ST6GAL1: variants seen among roughly 807,000 people sequenced by gnomAD.
The protein encoded by ST6GAL1 is beta-galactoside alpha-2,6-sialyltransferase 1.
In ST6GAL1, 20 loss-of-function variants were observed where a neutral mutation model predicts 38.0. That is an observed-to-expected ratio of 0.53 (90% CI 0.37 to 0.77). The LOEUF is 0.77. ST6GAL1 is among the 30% of genes least tolerant of loss of function. The pLI is 0.00. For synonymous variants in ST6GAL1, 196 were observed against 188.2 expected (o/e 1.04, Z -0.34); for missense variants, 432 against 496.4 (o/e 0.87, Z 1.23).
intron 4 of ST6GAL1, chr3:187,043,808 A>C (rs1718209391): frequency 6.6e-6 from 1 of 152,360 alleles, no homozygotes; most frequent in Admixed American, 6.5e-5. Context: ...AGATCTGCAC[A>C]TCATTTCCAG....
At chr3:186,935,596 T>C (rs757266033) in intron 1 of ST6GAL1, among the ~76,000 whole-genome samples, 2 of 152,204 alleles carry the variant, frequency 1.3e-5, no homozygotes, top group Non-Finnish European at 2.9e-5. Context: ...CTACAATGGT[T>C]GAACTAATTT....
Position 187,051,314 on chromosome 3 carries a change from A to G in ST6GAL1, c.673A>G (p.Thr225Ala), listed in dbSNP as rs1403092268. 6.2e-7 allele frequency: 1 copy of G among 1,614,194 alleles called. No homozygotes were observed. Residue 225 changes from threonine to alanine, a missense_variant, in exon 5 of 8, where the codon ACA becomes GCA. Thr to Ala is a moderately conservative substitution (Grantham distance 58, BLOSUM62 0). Coordinates refer to ENST00000169298, the MANE Select transcript of ST6GAL1 (RefSeq NM_173216.2). ...PTANFQQDVG[T>A]KTTIRLMNSQ... The stretch of plus-strand genomic sequence containing the variant: ...AGCCAACTTCCAACAAGATGTGGGC[A>G]CAAAAACTACCATTCGCCTGATGAA...
chr3:187,073,820 C>T (rs1719467651), intron 6 of ST6GAL1: 1 of 192,272 alleles, frequency 5.2e-6, no homozygotes, highest in African/African-American at 2.3e-5. Flanking sequence ...CTAGTTTTCT[C>T]CCCTTTAAAA....
chr3:187,074,388 T>C (rs1038689372), intron 7 of ST6GAL1, 55 bp downstream of exon 7: 18 of 1,460,886 alleles, frequency 1.2e-5, no homozygotes, highest in Middle Eastern at 2.1e-4. Flanking sequence ...AGAGATGAGC[T>C]TTTTTTCTGG....
At chr3:186,987,090 ACCATTTC>A (rs1282289093) in intron 2 of ST6GAL1, among the ~76,000 whole-genome samples, 1 of 147,796 alleles carries the variant, frequency 6.8e-6, no homozygotes, top group Non-Finnish European at 1.5e-5. Context: ...TTTTACTCTT[ACCATTTC>A]TGAGAGAAGT....
At chr3:187,057,698 T>C (rs1272505806) in intron 5 of ST6GAL1, among the ~76,000 whole-genome samples, 1 of 152,106 alleles carries the variant, frequency 6.6e-6, no homozygotes, top group African/African-American at 2.4e-5. Context: ...CTGTATGAGG[T>C]GTCAGTCGGC....
rs1718502604 is a variant in ST6GAL1 at position 187,051,224 on chromosome 3, TTTTCTGTTTCTTTGTGG to T, written c.608-21_608-5del. 6.2e-7 allele frequency: 1 copy of T among 1,607,376 alleles called. No individual in the cohort carries two copies. Among genetic ancestry groups the T allele is most frequent in the East Asian group, 2.2e-5 (1 of 44,806 alleles). ...GCATATTGCCAGTGCTCATCACCTC[TTTTCTGTTTCTTTGTGG>T]TTTATAGATGATCATGACGCAGTCC... On this transcript the variant is annotated splice_region_variant and splice_polypyrimidine_tract_variant and intron_variant, in intron 4 of 7. Transcript: ENST00000169298.
intron 2 of ST6GAL1, among the ~76,000 whole-genome samples, chr3:187,018,385 A>AT (rs1717188377): frequency 6.6e-6 from 1 of 152,230 alleles, no homozygotes; most frequent in African/African-American, 2.4e-5. Flanking sequence ...GGATAGATGT[A>AT]TTTATAAAGG....
At chr3:186,999,687 T>G (rs2889790) in intron 2 of ST6GAL1, among the ~76,000 whole-genome samples, 27,563 of 151,944 alleles carry the variant, frequency 0.18, 2,548 homozygotes, top group African/African-American at 0.19. Context: ...GGGATTACAG[T>G]CATGAGCCAC....
At chr3:187,003,346 C>G (rs1281351620) in intron 2 of ST6GAL1, among the ~76,000 whole-genome samples, 1 of 152,228 alleles carries the variant, frequency 6.6e-6, no homozygotes, top group African/African-American at 2.4e-5. Context: ...ACTCAGCCTG[C>G]TGATTCCAGT....
chr3:187,010,779 C>T (rs529575373), intron 2 of ST6GAL1, among the ~76,000 whole-genome samples: 43 of 152,322 alleles, frequency 2.8e-4, no homozygotes, highest in Admixed American at 2.0e-3. Flanking sequence ...TGATTGATAA[C>T]GCCCAAAGCC....
chr3:186,939,049 C>G (rs1412066062), intron 1 of ST6GAL1, among the ~76,000 whole-genome samples: 7 of 131,874 alleles, frequency 5.3e-5, no homozygotes, highest in African/African-American at 1.7e-4. Context: ...AGGAGAGAGA[C>G]AGAAAGTCAA....
chr3:186,987,162 A>G (rs1028224881), intron 2 of ST6GAL1, among the ~76,000 whole-genome samples: 8 of 127,370 alleles, frequency 6.3e-5, no homozygotes, highest in African/African-American at 5.8e-5. Flanking sequence ...GGGAGGGAGG[A>G]AGAAAGAGAA....
chr3:186,945,852 G>A (rs1411422790), intron 1 of ST6GAL1, among the ~76,000 whole-genome samples: 2 of 151,586 alleles, frequency 1.3e-5, no homozygotes, highest in Non-Finnish European at 2.9e-5. Flanking sequence ...TTAGCCAGGC[G>A]TGGTGGTGGG....
intron 2 of ST6GAL1, among the ~76,000 whole-genome samples, chr3:187,010,418 T>A (rs1277756158): frequency 1.3e-5 from 2 of 152,212 alleles, no homozygotes; most frequent in African/African-American, 4.8e-5. Flanking sequence ...ACTGAATTGG[T>A]TCCCACCCGT....
intron 2 of ST6GAL1, among the ~76,000 whole-genome samples, chr3:186,992,778 A>T (rs2006257): frequency 1.9e-4 from 29 of 152,180 alleles, no homozygotes; most frequent in African/African-American, 6.7e-4. Context: ...CTTGGGCAAC[A>T]GAGTGAGACT....
intron 1 of ST6GAL1, among the ~76,000 whole-genome samples, chr3:186,935,669 T>A (rs75698615): frequency 0.031 from 4,768 of 152,288 alleles, 94 homozygotes; most frequent in Middle Eastern, 0.088. Flanking sequence ...CATCTGTTAC[T>A]TTTTGACTTT....
In ST6GAL1 at chr3:187,048,880, A is replaced by ATTTTTTTTTT. The variant is rs374148828; in HGVS notation, c.608-2350_608-2341dup. Among the ~76,000 whole-genome samples, 84 of 115,444 alleles carry ATTTTTTTTTT rather than the reference A, an allele frequency of 7.3e-4. 2 individuals are homozygous for ATTTTTTTTTT. Among genetic ancestry groups the ATTTTTTTTTT allele is most frequent in the African/African-American group, 3.0e-3 (80 of 26,572 alleles). The allele number at this position is 115,444 out of a possible 152,430, so 75.7% of individuals were successfully genotyped here. ...TCTGGCTCTGTCCCTGAGAAATTGA[A>ATTTTTTTTTT]TTTTTTTTTTTTTTTTTTTTTTTTT... On this transcript the variant is annotated intron_variant, in intron 4 of 7. Transcript: ENST00000169298.
At chr3:187,029,347 A>T in intron 2 of ST6GAL1, among the ~76,000 whole-genome samples, 1 of 152,194 alleles carries the variant, frequency 6.6e-6, no homozygotes. Context: ...TCTTAAGTAA[A>T]CAATAATGTG....
Sources: allele counts gnomAD v4.1 joint callset (sites outside exome capture counted in the v4.1 genomes callset), GRCh38; gene constraint gnomAD v4.1.1; transcripts MANE v1.5; gene names NCBI Gene and HGNC (gene_info 2026-07-23, HGNC 2026-07-21).